Variants in RNLS observed in about 807,000 individuals in gnomAD.
RNLS encodes the protein renalase.
A neutral mutation model predicts 39.8 loss-of-function variants in RNLS; 39 were observed. That is an observed-to-expected ratio of 0.98 (90% CI 0.76 to 1.28). The LOEUF (loss-of-function observed/expected upper bound fraction) is 1.28, where lower values mean the gene tolerates loss of function less well. Among genes scored for constraint, RNLS ranks in the 50% most tolerant of loss-of-function variants. The pLI is 0.00. For missense variants in RNLS, 410 were observed against 413.3 expected, an observed-to-expected ratio of 0.99 and a Z score of 0.07; for synonymous variants, 147 against 150.7, an observed-to-expected ratio of 0.98 and a Z score of 0.18.
At chr10:88,271,092 CT>C (rs1645129209), downstream of RNLS, among the ~76,000 whole-genome samples, 1 of 152,148 alleles carries the variant, frequency 6.6e-6, no homozygotes, top group Admixed American at 6.5e-5. Flanking sequence ...TTATCTTTGG[CT>C]TGTGGTACTG....
chr10:88,424,696 T>A (rs1564789312), intron 4 of RNLS, among the ~76,000 whole-genome samples: 1 of 152,152 alleles, frequency 6.6e-6, no homozygotes, highest in African/African-American at 2.4e-5. Context: ...AGCCTCCATA[T>A]AATGCTGACA....
chr10:88,252,104 G>C, the RNLS span, among the ~76,000 whole-genome samples: 2 of 152,118 alleles, frequency 1.3e-5, no homozygotes, highest in African/African-American at 4.8e-5. Flanking sequence ...GCAAACTGCT[G>C]GTGGGTCACC....
At chr10:88,244,681 G>T in the RNLS span, among the ~76,000 whole-genome samples, 1 of 149,724 alleles carries the variant, frequency 6.7e-6, no homozygotes, top group Non-Finnish European at 1.5e-5. Context: ...GGATGTTTAA[G>T]GTTTTCATGC....
chr10:88,296,248 G>A (rs1290901707), intron 6 of RNLS, among the ~76,000 whole-genome samples: 1 of 152,142 alleles, frequency 6.6e-6, no homozygotes, highest in Non-Finnish European at 1.5e-5. Context: ...AGTCTAGGAT[G>A]CAAAGGACTG....
intron 5 of RNLS, among the ~76,000 whole-genome samples, chr10:88,351,789 T>C: frequency 6.6e-6 from 1 of 152,216 alleles, no homozygotes; most frequent in Admixed American, 6.5e-5. Flanking sequence ...ATAAATTACC[T>C]TGGGCAGTAT....
At chr10:88,204,618 A>G in the RNLS span, among the ~76,000 whole-genome samples, 1 of 152,282 alleles carries the variant, frequency 6.6e-6, no homozygotes, top group South Asian at 2.1e-4. Flanking sequence ...ATCTTTTGCA[A>G]AAATAATTTC....
At chr10:88,404,276 T>C (rs1399577826) in intron 4 of RNLS, among the ~76,000 whole-genome samples, 1 of 152,118 alleles carries the variant, frequency 6.6e-6, no homozygotes, top group Non-Finnish European at 1.5e-5. Context: ...GAGAATCAAT[T>C]GATCTTGGTT....
At chr10:88,344,539 C>G (rs1008398047) in intron 5 of RNLS, among the ~76,000 whole-genome samples, 3 of 151,974 alleles carry the variant, frequency 2.0e-5, no homozygotes, top group Non-Finnish European at 2.9e-5. Flanking sequence ...ATCAGAGGGA[C>G]TATAATCTTT....
At chr10:88,541,671 G>A (rs1848049781) in intron 4 of RNLS, among the ~76,000 whole-genome samples, 1 of 152,178 alleles carries the variant, frequency 6.6e-6, no homozygotes, top group Non-Finnish European at 1.5e-5. Context: ...AGCTGTAGAA[G>A]ACAGTTGACT....
chr10:88,204,601 A>G, the RNLS span, among the ~76,000 whole-genome samples: 2 of 152,154 alleles, frequency 1.3e-5, no homozygotes, highest in African/African-American at 4.8e-5. Context: ...GCCAAGCCTT[A>G]TGCTAAATCT....
At chr10:88,230,617 C>A in the RNLS span, among the ~76,000 whole-genome samples, 1 of 152,168 alleles carries the variant, frequency 6.6e-6, no homozygotes, top group East Asian at 1.9e-4. Flanking sequence ...AAAACTAAGT[C>A]CAAATTCATT....
In RNLS at chr10:88,411,590, T is replaced by C. The variant is rs117676570; in HGVS notation, c.527-48865A>G. ...AGCACTAACACTCACACTTATGTAATTAGGCCAACAAACATGTATTGAACA... is the reference window on the plus strand; with the variant it reads ...AGCACTAACACTCACACTTATGTAACTAGGCCAACAAACATGTATTGAACA... On this transcript the variant is annotated intron_variant, in intron 4 of 6. Transcript: ENST00000331772. Among the ~76,000 whole-genome samples the C allele has an allele frequency of 9.0e-3, 1,368 of 152,132 alleles. 24 individuals carry two copies. Among genetic ancestry groups the C allele is most frequent in the East Asian group, 0.028 (144 of 5,162 alleles).
At chr10:88,407,705 T>G (rs1853377623) in intron 4 of RNLS, among the ~76,000 whole-genome samples, 1 of 152,086 alleles carries the variant, frequency 6.6e-6, no homozygotes, top group Non-Finnish European at 1.5e-5. Flanking sequence ...GTTGCTGGCC[T>G]AACCTAGGGA....
At chr10:88,321,673 A>G (rs1846193121) in intron 5 of RNLS, among the ~76,000 whole-genome samples, 1 of 152,214 alleles carries the variant, frequency 6.6e-6, no homozygotes. Flanking sequence ...GAATATCTCT[A>G]TGCACACCAC....
At chr10:88,378,858 T>C (rs1234495954) in intron 4 of RNLS, among the ~76,000 whole-genome samples, 2 of 152,234 alleles carry the variant, frequency 1.3e-5, no homozygotes, top group Non-Finnish European at 2.9e-5. Flanking sequence ...ATTAATCTGC[T>C]GTTTTGTCAG....
intron 4 of RNLS, among the ~76,000 whole-genome samples, chr10:88,522,489 G>T (rs1302830288): frequency 3.3e-5 from 5 of 152,042 alleles, no homozygotes; most frequent in Admixed American, 3.3e-4. Context: ...GAGCTCCTGT[G>T]AAAACTGCAG....
At chr10:88,241,750 A>G in the RNLS span, among the ~76,000 whole-genome samples, 2 of 152,156 alleles carry the variant, frequency 1.3e-5, no homozygotes, top group African/African-American at 4.8e-5. Context: ...CTCCACACTT[A>G]GTCCTTCCTG....
chr10:88,285,658 CAAAA>C lies in RNLS; in HGVS notation c.877-156_877-153del. On this transcript the variant is annotated intron_variant, in intron 6 of 6. Transcript: ENST00000331772. Reference sequence around the variant, plus strand: ...ACAAAAAAAATGCACACACAAGAAACAAAAAACAAACCAAGACTCACTAAACGCC... The same window carrying C: ...ACAAAAAAAATGCACACACAAGAAACAACAAACCAAGACTCACTAAACGCC... The C allele has an allele frequency of 4.6e-6, 3 of 648,810 alleles. 1 individual carries two copies. In the South Asian group the frequency reaches 6.4e-5, roughly 14 times the overall value. The allele number at this position is 648,810 out of a possible 1,614,324, so 40.2% of individuals were successfully genotyped here.
chr10:88,545,566 A>T (rs906766378), intron 4 of RNLS: 13 of 425,114 alleles, frequency 3.1e-5, no homozygotes, highest in Middle Eastern at 8.3e-4. Context: ...TGCCCCCATG[A>T]TTCAGTTACC....
Sources: allele counts gnomAD v4.1 joint callset (sites outside exome capture counted in the v4.1 genomes callset), GRCh38; gene constraint gnomAD v4.1.1; transcripts MANE v1.5; gene names NCBI Gene and HGNC (gene_info 2026-07-23, HGNC 2026-07-21).